The following CRIPTO variants were observed in gnomAD, a reference collection of about 807,000 sequenced individuals.
CRIPTO encodes cripto, EGF-CFC family member.
the CRIPTO span, chr3:46,579,550 C>T: frequency 8.1e-7 from 1 of 1,228,944 alleles, no homozygotes; most frequent in Non-Finnish European, 1.2e-6. Flanking sequence ...AGTTTTCCTC[C>T]CCTGAGTCCA....
chr3:46,579,310 A>G, the CRIPTO span: 1 of 1,614,124 alleles, frequency 6.2e-7, no homozygotes, highest in Non-Finnish European at 8.5e-7. Flanking sequence ...CCCCAGGAGG[A>G]GCCTGCAATT....
chr3:46,581,812 G>A, the CRIPTO span: 8 of 225,114 alleles, frequency 3.6e-5, no homozygotes, highest in Non-Finnish European at 5.2e-5. Flanking sequence ...TGCAAGGCCT[G>A]GTGTTTCTTG....
the CRIPTO span, chr3:46,579,386 G>A: frequency 3.7e-6 from 6 of 1,613,896 alleles, no homozygotes; most frequent in African/African-American, 1.3e-5. Flanking sequence ...GCCTGACTTC[G>A]ATGCTTCTGC....
chr3:46,575,228 C>A, the CRIPTO span, among the ~76,000 whole-genome samples: 1 of 152,238 alleles, frequency 6.6e-6, no homozygotes, highest in African/African-American at 2.4e-5. Flanking sequence ...AATTACTGTT[C>A]TTTCTCTCCA....
At chr3:46,579,252 G>T in the CRIPTO span, 1 of 1,614,016 alleles carries the variant, frequency 6.2e-7, no homozygotes, top group Non-Finnish European at 8.5e-7. Flanking sequence ...TCAGGAATTT[G>T]CTCGTCCATC....
At chr3:46,579,215 T>C in the CRIPTO span, 5 of 1,614,080 alleles carry the variant, frequency 3.1e-6, no homozygotes, top group East Asian at 2.2e-5. Context: ...ACTCCATGAA[T>C]TGATTTTGTC....
the CRIPTO span, chr3:46,579,923 G>A: frequency 2.5e-6 from 4 of 1,614,072 alleles, no homozygotes; most frequent in Non-Finnish European, 3.4e-6. Context: ...TCAGACCCAA[G>A]GCTATCGCCT....
At chr3:46,580,112 T>A in the CRIPTO span, 14 of 1,613,122 alleles carry the variant, frequency 8.7e-6, no homozygotes, top group Admixed American at 5.0e-5. Context: ...CGTAGTTGCC[T>A]TGGGGGGTGC....
the CRIPTO span, chr3:46,581,771 G>A: frequency 5.3e-5 from 16 of 303,868 alleles, no homozygotes; most frequent in South Asian, 9.1e-5. Context: ...TCAGCCTCTC[G>A]AAGTGCTGAG....
At chr3:46,580,996 C>A in the CRIPTO span, 2 of 717,846 alleles carry the variant, frequency 2.8e-6, no homozygotes, top group Non-Finnish European at 5.1e-6. Flanking sequence ...AAGGCATCAC[C>A]ACTGGGCTAG....
the CRIPTO span, chr3:46,579,513 A>G: frequency 7.0e-7 from 1 of 1,422,960 alleles, no homozygotes; most frequent in African/African-American, 1.4e-5. Context: ...TGAGACAAGG[A>G]TTGTGTATTT....
At chr3:46,579,103 G>T in the CRIPTO span, 1 of 1,614,114 alleles carries the variant, frequency 6.2e-7, no homozygotes, top group Non-Finnish European at 8.5e-7. Flanking sequence ...AGTGTGATTT[G>T]GATCATGGCC....
chr3:46,579,080 A>G, the CRIPTO span: 1 of 1,612,734 alleles, frequency 6.2e-7, no homozygotes, highest in Non-Finnish European at 8.5e-7. Flanking sequence ...CTCATGTCTG[A>G]CTTCCTCTTC....
At chr3:46,581,592 C>T in the CRIPTO span, 3 of 567,976 alleles carry the variant, frequency 5.3e-6, no homozygotes, top group Middle Eastern at 4.6e-4. Context: ...TCACTGCAAC[C>T]TCCGCATCCG....
the CRIPTO span, chr3:46,579,265 G>C: frequency 4.3e-6 from 7 of 1,614,094 alleles, no homozygotes; most frequent in Non-Finnish European, 5.9e-6. Context: ...CGTCCATCTC[G>C]GGGATACCTG....
chr3:46,579,825 C>G, the CRIPTO span: 7 of 1,613,852 alleles, frequency 4.3e-6, no homozygotes, highest in Non-Finnish European at 5.9e-6. Context: ...CTTCTACGGA[C>G]GGAACTGTGA....
the CRIPTO span, chr3:46,579,624 G>C: frequency 2.3e-6 from 3 of 1,299,982 alleles, no homozygotes; most frequent in African/African-American, 4.4e-5. Context: ...TCTGCTCAAA[G>C]GCACAGAGAC....
At chr3:46,576,374 A>C in the CRIPTO span, among the ~76,000 whole-genome samples, 1 of 148,620 alleles carries the variant, frequency 6.7e-6, no homozygotes, top group Non-Finnish European at 1.5e-5. Context: ...AGGTTGAGGC[A>C]GGAGAATGAG....
At chr3:46,576,466 G>A in the CRIPTO span, among the ~76,000 whole-genome samples, 3 of 127,148 alleles carry the variant, frequency 2.4e-5, no homozygotes, top group African/African-American at 6.4e-5. Context: ...GGGTAACAGA[G>A]GGAGACTCTG....
Sources: allele counts gnomAD v4.1 joint callset (sites outside exome capture counted in the v4.1 genomes callset), GRCh38; gene constraint gnomAD v4.1.1; transcripts MANE v1.5; gene names NCBI Gene and HGNC (gene_info 2026-07-23, HGNC 2026-07-21).